The following IGSF10 variants were observed in gnomAD, a reference collection of about 807,000 sequenced individuals.
IGSF10 encodes the protein calvaria mechanical force protein 608.
Under a neutral mutation model 128.2 loss-of-function variants are expected in IGSF10, and 126 were observed. The ratio of observed to expected loss-of-function variants is 0.98; its 90% CI spans 0.85 to 1.14. The LOEUF (loss-of-function observed/expected upper bound fraction) is 1.14, where lower values mean the gene tolerates loss of function less well. IGSF10 is among the 50% of genes most tolerant of loss of function. IGSF10 has a pLI of 0.00. For missense variants in IGSF10, 3,295 were observed against 3,149.8 expected (o/e 1.05, Z -1.10); for synonymous variants, 1,185 against 1,146.2 (o/e 1.03, Z -0.68).
At chr3:151,488,210 T>G in the IGSF10 span, among the ~76,000 whole-genome samples, 1 of 152,066 alleles carries the variant, frequency 6.6e-6, no homozygotes, top group African/African-American at 2.4e-5. Context: ...ATGAGTGAAC[T>G]CCCATTCACA....
intron 1 of IGSF10, 48 bp downstream of exon 1, chr3:151,460,898 G>C: frequency 1.0e-6 from 1 of 983,528 alleles, no homozygotes; most frequent in Non-Finnish European, 1.2e-6. Flanking sequence ...GCCCCAGCCG[G>C]CGTGGGGTTC....
At chr3:151,517,359 A>G in the IGSF10 span, among the ~76,000 whole-genome samples, 1 of 151,906 alleles carries the variant, frequency 6.6e-6, no homozygotes, top group African/African-American at 2.4e-5. Context: ...GATCTATTTG[A>G]TTTTAGGTCG....
chr3:151,458,807 A>C, intron 2 of IGSF10, 97 bp from the exon 3 acceptor site: 2 of 986,456 alleles, frequency 2.0e-6, no homozygotes, highest in Non-Finnish European at 3.0e-6. Flanking sequence ...ACCTTCTTTA[A>C]GGGTCGTAAG....
the IGSF10 span, among the ~76,000 whole-genome samples, chr3:151,607,319 A>T: frequency 6.6e-6 from 1 of 152,286 alleles, no homozygotes; most frequent in East Asian, 1.9e-4. Context: ...GATAATTCCA[A>T]ATTTATTCTT....
At chr3:151,460,006 G>T (rs901332594) in intron 2 of IGSF10, among the ~76,000 whole-genome samples, 1 of 152,132 alleles carries the variant, frequency 6.6e-6, no homozygotes, top group Non-Finnish European at 1.5e-5. Context: ...TTTTGCCATC[G>T]TAACCACCTG....
chr3:151,568,990 T>C, the IGSF10 span, among the ~76,000 whole-genome samples: 2 of 152,194 alleles, frequency 1.3e-5, no homozygotes, highest in African/African-American at 4.8e-5. Context: ...CGGAGGAGTA[T>C]GAAGTCTGAG....
At chr3:151,541,683 A>T in the IGSF10 span, among the ~76,000 whole-genome samples, 1 of 152,080 alleles carries the variant, frequency 6.6e-6, no homozygotes, top group Non-Finnish European at 1.5e-5. Flanking sequence ...CATCTTACTA[A>T]TACCTCCTCA....
chr3:151,448,374 A>C lies in IGSF10; in HGVS notation c.1607T>G (p.Leu536Trp). ...GRILIDKSGK[L>W]ELQMADSFDT... is the part of the protein sequence containing the mutation. The stretch of plus-strand genomic sequence containing the variant: ...AAAACTATCAGCCATCTGGAGTTCC[A>C]ATTTTCCACTTTTGTCTATTAGGAT... Residue 536 changes from leucine to tryptophan, a missense_variant, in exon 6 of 8, where the codon TTG becomes TGG. Coordinates refer to ENST00000282466, the MANE Select transcript of IGSF10 (RefSeq NM_178822.5). 1 of 1,614,214 alleles carries C rather than the reference A, an allele frequency of 6.2e-7. No homozygotes were observed. Among genetic ancestry groups the C allele is most frequent in the Non-Finnish European group, 8.5e-7 (1 of 1,180,028 alleles).
chr3:151,463,544 T>TTTTTTTTTTTTTTTTTTTTTTTTTTTTG (rs1722159636), upstream of IGSF10, among the ~76,000 whole-genome samples: 2 of 105,570 alleles, frequency 1.9e-5, no homozygotes, highest in Admixed American at 9.6e-5. Context: ...TTTTTTTTTT[T>TTTTTTTTTTTTTTTTTTTTTTTTTTTTG]TTTTTTTTTT....
the IGSF10 span, among the ~76,000 whole-genome samples, chr3:151,612,148 C>A: frequency 1.3e-5 from 2 of 152,154 alleles, no homozygotes; most frequent in African/African-American, 4.8e-5. Context: ...TTCTTTTGCT[C>A]TTGCATGTGG....
chr3:151,584,352 A>G, the IGSF10 span, among the ~76,000 whole-genome samples: 2 of 152,138 alleles, frequency 1.3e-5, no homozygotes, highest in Non-Finnish European at 2.9e-5. Flanking sequence ...TTTTTTGTCA[A>G]TTCTGACAAT....
chr3:151,448,390 C>T lies in IGSF10; in HGVS notation c.1591G>A (p.Asp531Asn), dbSNP rs751254389. Residue 531 changes from aspartate to asparagine, a missense_variant, in exon 6 of 8, where the codon GAC becomes AAC. Physicochemically the swap from Asp to Asn is conservative, Grantham distance 23 (BLOSUM62 1). Coordinates refer to ENST00000282466, the MANE Select transcript of IGSF10 (RefSeq NM_178822.5). The part of the protein sequence containing the change: ...YVSEDGRILI[D>N]KSGKLELQMA... ...TGGAGTTCCAATTTTCCACTTTTGTCTATTAGGATCCGTCCATCCTCACTG... is the reference window on the plus strand; with the variant it reads ...TGGAGTTCCAATTTTCCACTTTTGTTTATTAGGATCCGTCCATCCTCACTG... 2.5e-6 allele frequency: 4 copies of T among 1,614,202 alleles called. No homozygotes were observed. Among genetic ancestry groups the T allele is most frequent in the Non-Finnish European group, 3.4e-6 (4 of 1,180,032 alleles).
Position 151,445,005 on chromosome 3 carries a change from G to T in IGSF10, c.4976C>A (p.Thr1659Asn). Residue 1659 changes from threonine (T) to asparagine (N), a missense_variant, in exon 6 of 8, where the codon ACT becomes AAT. Physicochemically the swap from Thr to Asn is moderately conservative, Grantham distance 65. Transcript: ENST00000282466. ...RIVGGKAASF[T>N]IPANSDAFLP... The stretch of plus-strand genomic sequence containing the variant: ...AAAGGCATCTGAGTTAGCTGGAATA[G>T]TAAAACTTGCAGCTTTTCCTCCAAC... 6.2e-7 allele frequency: 1 copy of T among 1,614,100 alleles called. No individual in the cohort carries two copies. Among genetic ancestry groups the T allele is most frequent in the Non-Finnish European group, 8.5e-7 (1 of 1,179,932 alleles).
In IGSF10 at chr3:151,448,830, G is replaced by T. The variant is rs1344971947; in HGVS notation, c.1151C>A (p.Ser384Tyr). 6.2e-7 allele frequency: 1 copy of T among 1,613,652 alleles called. No individual in the cohort carries two copies. Among genetic ancestry groups the T allele is most frequent in the Non-Finnish European group, 8.5e-7 (1 of 1,179,562 alleles). The change falls in exon 6 of 8, where the codon TCT (serine) becomes TAT (tyrosine). Residue 384 changes from serine (S) to tyrosine (Y), a missense_variant. Ser to Tyr is a moderately radical substitution (Grantham distance 144). Transcript: ENST00000282466. ...VWQILALYSDSPLILERSHLL... is the reference protein window; with the variant it reads ...VWQILALYSDYPLILERSHLL... ...GTGGCTCCTTTCTAGTATCAGAGGA[G>T]AATCACTGTACAAAGCCAAAATTTG...
At chr3:151,556,541 A>C in the IGSF10 span, among the ~76,000 whole-genome samples, 132 of 152,292 alleles carry the variant, frequency 8.7e-4, 1 homozygote, top group African/African-American at 2.8e-3. Context: ...ACAGTAGCCA[A>C]ATTTGTTAAA....
the IGSF10 span, among the ~76,000 whole-genome samples, chr3:151,558,395 T>C: frequency 3.9e-5 from 6 of 152,180 alleles, no homozygotes; most frequent in African/African-American, 1.2e-4. Flanking sequence ...TGGGAATAAA[T>C]GGAATGAAAG....
At chr3:151,583,672 A>G in the IGSF10 span, among the ~76,000 whole-genome samples, 1 of 152,232 alleles carries the variant, frequency 6.6e-6, no homozygotes, top group Non-Finnish European at 1.5e-5. Flanking sequence ...ACACGTATAC[A>G]TATGTAACAA....
At chr3:151,514,141 C>CA in the IGSF10 span, among the ~76,000 whole-genome samples, 1 of 151,874 alleles carries the variant, frequency 6.6e-6, no homozygotes, top group Non-Finnish European at 1.5e-5. Flanking sequence ...CATATGGAAC[C>CA]AAAAAAGAGC....
chr3:151,485,227 T>C, the IGSF10 span, among the ~76,000 whole-genome samples: 1 of 151,454 alleles, frequency 6.6e-6, no homozygotes, highest in Non-Finnish European at 1.5e-5. Flanking sequence ...CTGAATAAAA[T>C]AAAGCAAGAA....
Sources: gnomAD v4.1 joint callset for allele counts (sites outside exome capture counted in the v4.1 genomes callset) on GRCh38, gnomAD v4.1.1 for gene constraint, MANE v1.5 for transcripts, NCBI Gene and HGNC (gene_info 2026-07-23, HGNC 2026-07-21) for gene names.